ANXA1: variants seen among roughly 807,000 people sequenced by gnomAD.
ANXA1 encodes annexin I (lipocortin I).
Under a neutral mutation model 47.9 loss-of-function variants are expected in ANXA1, and 39 were observed. That is an observed-to-expected ratio of 0.81 (90% CI 0.63 to 1.06). ANXA1 has a LOEUF of 1.06. Ranked by LOEUF, ANXA1 falls within the 50% of genes least tolerant of loss-of-function variation. The pLI, the probability that ANXA1 is intolerant of heterozygous loss-of-function variation, is 0.00. For missense variants in ANXA1, 446 were observed against 422.7 expected (o/e 1.06, Z -0.48); for synonymous variants, 146 against 142.5 (o/e 1.02, Z -0.17).
chr9:73,169,391 A>G (rs1041810865), intron 12 of ANXA1, among the ~76,000 whole-genome samples: 4 of 152,128 alleles, frequency 2.6e-5, no homozygotes, highest in Non-Finnish European at 5.9e-5. Context: ...TTAGTTTCCC[A>G]TGCATAAATT....
intron 8 of ANXA1, among the ~76,000 whole-genome samples, chr9:73,164,667 T>C (rs1285262850): frequency 2.0e-5 from 3 of 152,158 alleles, no homozygotes; most frequent in Non-Finnish European, 4.4e-5. Flanking sequence ...TCTAAGATTA[T>C]GCAGCTTTGA....
intron 3 of ANXA1, 42 bp from the exon 4 acceptor site, chr9:73,159,287 G>T: frequency 6.8e-7 from 1 of 1,464,932 alleles, no homozygotes; most frequent in South Asian, 1.1e-5. Context: ...AATTGATGAT[G>T]AAGAAAATTG....
intron 8 of ANXA1, 106 bp from the exon 9 acceptor site, chr9:73,165,010 T>A: frequency 6.2e-6 from 5 of 804,850 alleles, no homozygotes; most frequent in Non-Finnish European, 1.0e-5. Context: ...TCTGATTGTA[T>A]TGGGCACAAA....
chr9:73,163,584 G>A (rs1824180242), intron 8 of ANXA1, 52 bp downstream of exon 8: 3 of 1,580,774 alleles, frequency 1.9e-6, no homozygotes, highest in Non-Finnish European at 2.6e-6. Flanking sequence ...TACCTTAAGT[G>A]GGGCTACCAC....
At chr9:73,157,742 T>A (rs1303474352) in intron 1 of ANXA1, 1 of 151,520 alleles carries the variant, frequency 6.6e-6, no homozygotes, top group East Asian at 2.0e-4. Context: ...ACATAGATGG[T>A]CTAATGGTCT....
At chr9:73,168,880 G>GGTATGTGTGTGTGT (rs1554674606) in intron 11 of ANXA1, 152 bp from the exon 12 acceptor site, 6 of 401,832 alleles carry the variant, frequency 1.5e-5, no homozygotes, top group Middle Eastern at 7.8e-4. Context: ...ATTCGTGTAA[G>GGTATGTGTGTGTGT]GTGTGTGTGT....
chr9:73,155,767 A>G lies in ANXA1; in HGVS notation c.-14-2755A>G, dbSNP rs115199048. ...CCTAGATTATGCTTTTAGTCTATCC[A>G]AATACTTCAGGCTAGAATGTAGGAA... On this transcript the variant is annotated intron_variant, in intron 1 of 12. Transcript: ENST00000257497. 9.4e-3 allele frequency among the ~76,000 whole-genome samples: 1,436 copies of G among 152,254 alleles called. 22 individuals carry two copies. The highest frequency in any genetic ancestry group is 0.03 in the African/African-American group (1,259 of 41,570).
At chr9:73,154,094 C>A (rs1257344100) in intron 1 of ANXA1, 1 of 323,840 alleles carries the variant, frequency 3.1e-6, no homozygotes, top group Non-Finnish European at 6.1e-6. Context: ...AAGAAGAACA[C>A]CCTATCGAAA....
chr9:73,163,089 G>A (rs1824170358), intron 7 of ANXA1, among the ~76,000 whole-genome samples: 1 of 152,122 alleles, frequency 6.6e-6, no homozygotes, highest in African/African-American at 2.4e-5. Flanking sequence ...GAGCTGGTGT[G>A]TGCAGAGACC....
chr9:73,154,419 C>A, intron 1 of ANXA1: 1 of 1,220,576 alleles, frequency 8.2e-7, no homozygotes. Context: ...TCTTTCTTTT[C>A]TTTTTTCTTT....
intron 1 of ANXA1, among the ~76,000 whole-genome samples, chr9:73,155,922 C>T (rs1824038495): frequency 6.8e-6 from 1 of 147,674 alleles, no homozygotes; most frequent in Non-Finnish European, 1.5e-5. Flanking sequence ...CTTTCTCTGG[C>T]TTTTTTTTTA....
intron 10 of ANXA1, among the ~76,000 whole-genome samples, chr9:73,167,250 G>A (rs999960086): frequency 9.9e-5 from 15 of 152,078 alleles, no homozygotes; most frequent in African/African-American, 3.6e-4. Context: ...TACTGAAGTT[G>A]CTCTTGAGAT....
At chr9:73,164,481 A>G (rs902295900) in intron 8 of ANXA1, among the ~76,000 whole-genome samples, 3 of 152,120 alleles carry the variant, frequency 2.0e-5, no homozygotes, top group Admixed American at 6.6e-5. Context: ...CCATTTTAAG[A>G]CTATCAGGGT....
At position 73,160,384 on chromosome 9, in the gene ANXA1, G is replaced by A. The variant is rs750714155; in HGVS notation, c.384+8G>A. 15 of 1,552,132 alleles carry A rather than the reference G, an allele frequency of 9.7e-6. No homozygotes were observed. The highest frequency in any genetic ancestry group is 1.4e-5 in the African/African-American group (1 of 70,866). On this transcript the variant is annotated splice_region_variant and intron_variant, in intron 5 of 12. Coordinates refer to ENST00000257497, the MANE Select transcript of ANXA1 (RefSeq NM_000700.3). ...CTTCGTGCTGCCATGAAGGTAAATC[G>A]CCCAATTTGAGCAAACTCCTTTCCT...
intron 12 of ANXA1, 69 bp downstream of exon 12, chr9:73,169,223 G>C: frequency 6.8e-7 from 1 of 1,475,980 alleles, no homozygotes; most frequent in Non-Finnish European, 9.1e-7. Context: ...TCAAGGAGAA[G>C]AGTTGACTTA....
chr9:73,167,029 T>C (rs927937890), intron 10 of ANXA1, among the ~76,000 whole-genome samples: 2 of 152,188 alleles, frequency 1.3e-5, no homozygotes, highest in African/African-American at 4.8e-5. Context: ...ATGGGTGTTC[T>C]GCACTCAGGC....
chr9:73,156,163 A>AAAT (rs1283062410), intron 1 of ANXA1, among the ~76,000 whole-genome samples: 241 of 146,748 alleles, frequency 1.6e-3, no homozygotes, highest in Non-Finnish European at 2.3e-3. Flanking sequence ...ATAAATAAAT[A>AAAT]AATAAATAAA....
chr9:73,165,322 C>A, intron 9 of ANXA1, 113 bp downstream of exon 9: 1 of 734,972 alleles, frequency 1.4e-6, no homozygotes, highest in Non-Finnish European at 2.3e-6. Context: ...ACTCCTGTAT[C>A]AAACAGATAC....
At chr9:73,154,167 T>C (rs796177791) in intron 1 of ANXA1, 132 of 442,094 alleles carry the variant, frequency 3.0e-4, no homozygotes, top group African/African-American at 2.6e-3. Context: ...AGTCATGCCA[T>C]TGTGTAGTCT....
Sources: allele counts gnomAD v4.1 joint callset (sites outside exome capture counted in the v4.1 genomes callset), GRCh38; gene constraint gnomAD v4.1.1; transcripts MANE v1.5; gene names NCBI Gene and HGNC (gene_info 2026-07-23, HGNC 2026-07-21).